SLCO1A2: variants seen among roughly 807,000 people sequenced by gnomAD.
The protein encoded by SLCO1A2 is solute carrier organic anion transporter family member 1A2.
In SLCO1A2, 67 loss-of-function variants were observed where a neutral mutation model predicts 69.0. The observed-to-expected ratio is 0.97, with a 90% CI of 0.80 to 1.19. SLCO1A2 has a LOEUF of 1.19. SLCO1A2 is among the 50% of genes most tolerant of loss of function. SLCO1A2 has a pLI of 0.00. For synonymous variants in SLCO1A2, 260 were observed against 265.9 expected, an observed-to-expected ratio of 0.98 and a Z score of 0.22; for missense variants, 787 against 793.7, an observed-to-expected ratio of 0.99 and a Z score of 0.10.
intron 2 of SLCO1A2, among the ~76,000 whole-genome samples, chr12:21,354,106 A>C (rs886436894): frequency 6.6e-6 from 1 of 152,226 alleles, no homozygotes; most frequent in Non-Finnish European, 1.5e-5. Flanking sequence ...AACACAATTC[A>C]TGACATAAAA....
chr12:21,394,453 A>T (rs1316148839), intron 1 of SLCO1A2, among the ~76,000 whole-genome samples: 1 of 150,908 alleles, frequency 6.6e-6, no homozygotes, highest in Non-Finnish European at 1.5e-5. Flanking sequence ...AGATGGGAGG[A>T]TCTCTTTAGC....
rs369062620 is a variant in SLCO1A2 at position 21,297,503 on chromosome 12, C to T, written c.976G>A (p.Val326Met). 174 of 1,606,102 alleles carry T rather than the reference C, an allele frequency of 1.1e-4. No homozygotes were observed. The highest frequency in any genetic ancestry group is 1.4e-4 in the Non-Finnish European group (165 of 1,174,426). Residue 326 changes from valine to methionine, a missense_variant, in exon 9 of 15, where the codon GTG (valine) becomes ATG (methionine). Transcript: ENST00000683939. ...TTAACGAATGCATTGAACTGTATCA[C>T]ACTTACAAGTATGAAAAGCATATAA... is the stretch of plus-strand genomic sequence containing the variant. ...PIYMLFILVS[V>M]IQFNAFVNMI...
At chr12:21,344,962 T>A (rs1953204368) in intron 2 of SLCO1A2, among the ~76,000 whole-genome samples, 1 of 152,042 alleles carries the variant, frequency 6.6e-6, no homozygotes, top group Admixed American at 6.6e-5. Flanking sequence ...CAAAATCTCC[T>A]ATTCCATATT....
intron 2 of SLCO1A2, among the ~76,000 whole-genome samples, chr12:21,343,743 T>C (rs1271465944): frequency 2.6e-5 from 4 of 152,050 alleles, no homozygotes; most frequent in Non-Finnish European, 4.4e-5. Context: ...AAAAAAAATA[T>C]GTATGTTTAT....
At chr12:21,276,647 C>T (rs888311626) in intron 12 of SLCO1A2, among the ~76,000 whole-genome samples, 30 of 152,116 alleles carry the variant, frequency 2.0e-4, no homozygotes, top group African/African-American at 4.1e-4. Context: ...CTGAAGAGAG[C>T]AGGAAAAATG....
At chr12:21,375,568 C>T (rs1245607038) in intron 1 of SLCO1A2, among the ~76,000 whole-genome samples, 3 of 152,138 alleles carry the variant, frequency 2.0e-5, no homozygotes, top group African/African-American at 7.2e-5. Flanking sequence ...TTTTTACACT[C>T]CCTTGTAAAT....
chr12:21,409,307 T>C (rs910185983), intron 1 of SLCO1A2, among the ~76,000 whole-genome samples: 1 of 152,142 alleles, frequency 6.6e-6, no homozygotes, highest in Admixed American at 6.5e-5. Flanking sequence ...CTCTATAAGA[T>C]ACAAAGACCA....
In SLCO1A2 at chr12:21,278,927, T is replaced by A. The variant is rs138815133; in HGVS notation, c.1611-3503A>T. ...AGATGGAGAATTCAAAATGGCTATT[T>A]TGAGGAAACTCAAAGAAATTCAAGA... On this transcript the variant is annotated intron_variant, in intron 12 of 14. Coordinates refer to ENST00000683939, the MANE Select transcript of SLCO1A2 (RefSeq NM_001386879.1). Among the ~76,000 whole-genome samples the A allele has an allele frequency of 1.1e-3, 167 of 152,184 alleles. 3 individuals carry two copies. In the East Asian group the frequency reaches 0.029, roughly 26 times the overall value.
Position 21,374,094 on chromosome 12 carries a change from T to C in SLCO1A2, c.-63+305A>G, listed in dbSNP as rs1227131903. Among the ~76,000 whole-genome samples the C allele has an allele frequency of 3.3e-5, 5 of 152,306 alleles. No individual in the cohort carries two copies. In the South Asian group the frequency reaches 1.0e-3, roughly 32 times the overall value. On this transcript the variant is annotated intron_variant, in intron 2 of 15. Transcript: ENST00000307378. Reference sequence around the variant, plus strand: ...CTATAAACTTAATACTTTTTAAAATTACTTTCAGTAGGTAGCATGTATGTC... The same window carrying C: ...CTATAAACTTAATACTTTTTAAAATCACTTTCAGTAGGTAGCATGTATGTC...
chr12:21,326,998 T>G (rs1219914659), intron 2 of SLCO1A2, among the ~76,000 whole-genome samples: 1 of 152,070 alleles, frequency 6.6e-6, no homozygotes, highest in African/African-American at 2.4e-5. Context: ...CTCCCGGACA[T>G]GTCAGAAGTC....
intron 1 of SLCO1A2, among the ~76,000 whole-genome samples, chr12:21,402,622 T>C (rs1941742692): frequency 6.6e-6 from 1 of 152,072 alleles, no homozygotes; most frequent in African/African-American, 2.4e-5. Flanking sequence ...ATAGATATTC[T>C]TATCTAAGGA....
At chr12:21,356,742 T>C (rs1034327715) in intron 2 of SLCO1A2, among the ~76,000 whole-genome samples, 9 of 152,072 alleles carry the variant, frequency 5.9e-5, no homozygotes, top group African/African-American at 1.9e-4. Context: ...AACATTTAAA[T>C]AATAGTAGCT....
At chr12:21,360,847 C>A (rs1234656885) in intron 2 of SLCO1A2, among the ~76,000 whole-genome samples, 1 of 152,186 alleles carries the variant, frequency 6.6e-6, no homozygotes, top group Non-Finnish European at 1.5e-5. Flanking sequence ...GGAGGGGCGT[C>A]CGCCATTGCT....
At chr12:21,273,737 G>C (rs2136083189) in intron 14 of SLCO1A2, among the ~76,000 whole-genome samples, 1 of 152,278 alleles carries the variant, frequency 6.6e-6, no homozygotes, top group Middle Eastern at 3.4e-3. Flanking sequence ...AAGGGGAATA[G>C]ATGCAGAGAT....
upstream of SLCO1A2, among the ~76,000 whole-genome samples, chr12:21,418,680 G>A (rs945641395): frequency 5.9e-5 from 9 of 152,000 alleles, no homozygotes; most frequent in Admixed American, 4.6e-4. Context: ...ATCTCCCACC[G>A]GGTCCCTCCA....
rs12321375 is a variant in SLCO1A2 at position 21,344,113 on chromosome 12, C to T, written c.-62-9404G>A. The stretch of plus-strand genomic sequence containing the variant: ...TCAAAAATTAGATAAATCTTGTTTA[C>T]TGAGTGACCATTTGCATGTAGCATT... On this transcript the variant is annotated intron_variant, in intron 2 of 15. Coordinates refer to the SLCO1A2 transcript ENST00000307378. 2.5e-3 allele frequency among the ~76,000 whole-genome samples: 384 copies of T among 152,196 alleles called. 3 individuals carry two copies. The highest frequency in any genetic ancestry group is 8.9e-3 in the African/African-American group (371 of 41,552).
In SLCO1A2 at chr12:21,285,553, C is replaced by CA. The variant is rs1945598323; in HGVS notation, c.1610+6610dup. On this transcript the variant is annotated intron_variant, in intron 12 of 14. Coordinates refer to ENST00000683939, the MANE Select transcript of SLCO1A2 (RefSeq NM_001386879.1). ...TACCAAAGCCGGGCAGAGACACAAC[C>CA]AAAAAAGAGAATTTTAGACCAATAT... Among the ~76,000 whole-genome samples, 2 of 133,874 alleles carry CA rather than the reference C, an allele frequency of 1.5e-5. 1 individual carries two copies. Among genetic ancestry groups the CA allele is most frequent in the South Asian group, 5.6e-4 (2 of 3,560 alleles). 87.8% of individuals were successfully genotyped at this position (133,874 alleles called of 152,430 possible). A position where few individuals can be genotyped will look rare whatever the true frequency, so the allele number is the denominator to read the frequency against.
upstream of SLCO1A2, among the ~76,000 whole-genome samples, chr12:21,399,814 G>T (rs1393499687): frequency 7.2e-6 from 1 of 139,566 alleles, no homozygotes; most frequent in Non-Finnish European, 1.6e-5. Flanking sequence ...GGGAAAACTG[G>T]CTAGCCATAT....
upstream of SLCO1A2, among the ~76,000 whole-genome samples, chr12:21,335,404 G>GAAACATATGTACA (rs200041853): frequency 0.058 from 8,840 of 151,918 alleles, 824 homozygotes; most frequent in African/African-American, 0.2. Flanking sequence ...AGATATATGT[G>GAAACATATGTACA]GAAATATATG....
Sources: allele counts gnomAD v4.1 joint callset (sites outside exome capture counted in the v4.1 genomes callset), GRCh38; gene constraint gnomAD v4.1.1; transcripts MANE v1.5; gene names NCBI Gene and HGNC (gene_info 2026-07-23, HGNC 2026-07-21).